The following MID1 variants were observed in gnomAD, a reference collection of about 807,000 sequenced individuals.
MID1 encodes the protein midline 1, also known as E3 ubiquitin-protein ligase Midline-1.
Under a neutral mutation model 40.4 loss-of-function variants are expected in MID1, and 7 were observed. The ratio of observed to expected loss-of-function variants is 0.17; its 90% CI spans 0.10 to 0.33. MID1 has a LOEUF of 0.33. MID1 is among the 10% of genes least tolerant of loss of function. The probability of loss-of-function intolerance (pLI) is 1.00; values close to 1 mark genes in which losing one functional copy is unlikely to be tolerated. For synonymous variants in MID1, 229 were observed against 221.2 expected (o/e 1.04, Z -0.31); for missense variants, 367 against 558.5 (o/e 0.66, Z 3.46).
chrX:10,830,434 G>C (rs2044245716), intron 1 of MID1, among the ~76,000 whole-genome samples: 1 of 112,109 alleles, frequency 8.9e-6, no homozygotes, highest in Non-Finnish European at 1.9e-5. Flanking sequence ...ACTTCAAAAG[G>C]CACTCAATAA....
chrX:10,817,570 T>TTCTC (rs1301478363), intron 1 of MID1, among the ~76,000 whole-genome samples: 32 of 88,305 alleles, frequency 3.6e-4, no homozygotes, highest in African/African-American at 1.4e-3. Context: ...CTTTCTTTCT[T>TTCTC]TCTCTCTTTC....
intron 2 of MID1, among the ~76,000 whole-genome samples, chrX:10,528,659 G>A (rs1229933639): frequency 9.0e-6 from 1 of 111,627 alleles, no homozygotes; most frequent in Non-Finnish European, 1.9e-5. Flanking sequence ...TGTTTGCCAC[G>A]CCCCCAGCCT....
At chrX:10,616,109 G>A (rs1414611912) in intron 1 of MID1, among the ~76,000 whole-genome samples, 2 of 111,762 alleles carry the variant, frequency 1.8e-5, no homozygotes, top group Non-Finnish European at 1.9e-5. Flanking sequence ...CCGACCACGG[G>A]AACTTCAAGC....
intron 1 of MID1, among the ~76,000 whole-genome samples, chrX:10,744,499 CT>C (rs1212571325): frequency 9.0e-6 from 1 of 111,162 alleles, no homozygotes; most frequent in Non-Finnish European, 1.9e-5. Flanking sequence ...ACCAAGTGAG[CT>C]AACTAGCCCC....
At chrX:10,539,299 C>G (rs890739482) in intron 2 of MID1, among the ~76,000 whole-genome samples, 1 of 111,744 alleles carries the variant, frequency 8.9e-6, no homozygotes, top group East Asian at 2.8e-4. Flanking sequence ...TTAGATCGTG[C>G]GGCTGGCTCT....
chrX:10,583,009 C>T (rs1054733842), intron 1 of MID1: 110 of 110,862 alleles, frequency 9.9e-4, no homozygotes, highest in African/African-American at 3.4e-3. Flanking sequence ...ATATGTATAT[C>T]CATTTGGCTT....
chrX:10,680,182 C>T (rs1389479782), intron 1 of MID1, among the ~76,000 whole-genome samples: 1 of 112,146 alleles, frequency 8.9e-6, no homozygotes, highest in Non-Finnish European at 1.9e-5. Context: ...TAAAACCCTA[C>T]TCAGGGCAAG....
chrX:10,469,364 C>T lies in MID1; in HGVS notation c.1285+333G>A, dbSNP rs751101149. The T allele has an allele frequency of 4.2e-5, 41 of 974,269 alleles. 1 individual carries two copies. The South Asian group carries it at 1.5e-3, about 36-fold the overall frequency. 80.3% of individuals were successfully genotyped at this position (974,269 alleles called of 1,213,427 possible). A position where few individuals can be genotyped will look rare whatever the true frequency, so the allele number is the denominator to read the frequency against. ...TTTATTTTGATCTTTAAGTTATGAA[C>T]CTATATGTGGATTAATACTATATAT... On this transcript the variant is annotated intron_variant, in intron 7 of 9. Transcript: ENST00000317552.
At chrX:10,549,239 A>C (rs775565646) in intron 2 of MID1, among the ~76,000 whole-genome samples, 6 of 113,003 alleles carry the variant, frequency 5.3e-5, no homozygotes, top group Admixed American at 3.7e-4. Flanking sequence ...TATTTGCCTT[A>C]ACTTACATAA....
chrX:10,632,100 T>A (rs1027624913), intron 1 of MID1, among the ~76,000 whole-genome samples: 2 of 112,083 alleles, frequency 1.8e-5, no homozygotes, highest in African/African-American at 6.5e-5. Flanking sequence ...CTAATGAGTT[T>A]CCAAAGCTAG....
In MID1 at chrX:10,818,669, C is replaced by T. The variant is rs773523646; in HGVS notation, c.-187+14885G>A. Among the ~76,000 whole-genome samples, 34 of 112,179 alleles carry T rather than the reference C, an allele frequency of 3.0e-4. 1 individual carries two copies. The highest frequency in any genetic ancestry group is 8.7e-4 in the African/African-American group (27 of 30,902). On this transcript the variant is annotated intron_variant, in intron 1 of 10. Coordinates refer to the MID1 transcript ENST00000380785. ...TTGCCAGATTTGTCCTTCAGAGTGA[C>T]AGTTCCATGGTTCACAGGTTTATCA... is the stretch of plus-strand genomic sequence containing the variant.
At chrX:10,781,443 G>T (rs1278121494) in intron 1 of MID1, among the ~76,000 whole-genome samples, 1 of 111,824 alleles carries the variant, frequency 8.9e-6, no homozygotes, top group Non-Finnish European at 1.9e-5. Flanking sequence ...TGATAAATGT[G>T]TTATGGATAT....
Position 10,516,585 on chromosome X carries a change from TGTGTGTGTGTGTGTGTGTGTGTGTGCGC to T in MID1, c.756+6479_756+6506del, listed in dbSNP as rs1314279554. Among the ~76,000 whole-genome samples, 805 of 85,507 alleles carry T rather than the reference TGTGTGTGTGTGTGTGTGTGTGTGTGCGC, an allele frequency of 9.4e-3. 11 individuals carry two copies. The highest frequency in any genetic ancestry group is 0.045 in the African/African-American group (720 of 15,911). The allele number at this position is 85,507 out of a possible 115,157, so 74.3% of individuals were successfully genotyped here. On this transcript the variant is annotated intron_variant, in intron 3 of 9. Transcript: ENST00000317552. ...TTGTGTGTGTGTGTGTGTGTGTGTG[TGTGTGTGTGTGTGTGTGTGTGTGTGCGC>T]GCGCGCACGCGTGTGTTTTAAGAGA...
chrX:10,656,768 A>T (rs753135342), intron 1 of MID1, among the ~76,000 whole-genome samples: 119 of 110,451 alleles, frequency 1.1e-3, no homozygotes, highest in Middle Eastern at 4.6e-3. Flanking sequence ...TTTTTTTTAA[A>T]AAAAAAAACA....
At chrX:10,776,810 A>G (rs1301915939) in intron 1 of MID1, among the ~76,000 whole-genome samples, 1 of 112,341 alleles carries the variant, frequency 8.9e-6, no homozygotes, top group Non-Finnish European at 1.9e-5. Context: ...AAAAAAAAGA[A>G]AACAGGAAAA....
chrX:10,802,333 A>C (rs1200004657), intron 1 of MID1, among the ~76,000 whole-genome samples: 1 of 112,194 alleles, frequency 8.9e-6, no homozygotes, highest in Non-Finnish European at 1.9e-5. Flanking sequence ...ACAACTGAAC[A>C]TGTAAAAAAA....
At chrX:10,679,874 A>G (rs1223894984) in intron 1 of MID1, among the ~76,000 whole-genome samples, 1 of 112,182 alleles carries the variant, frequency 8.9e-6, no homozygotes, top group Non-Finnish European at 1.9e-5. Context: ...TAAATGAAAC[A>G]ATGAAAACAA....
intron 1 of MID1, among the ~76,000 whole-genome samples, chrX:10,766,420 CA>C (rs1056228588): frequency 2.7e-5 from 3 of 111,512 alleles, no homozygotes; most frequent in Non-Finnish European, 5.7e-5. Context: ...GCAACATATC[CA>C]AGGATCCGGC....
intron 2 of MID1, among the ~76,000 whole-genome samples, chrX:10,560,469 AC>A (rs986747670): frequency 1.8e-5 from 2 of 110,501 alleles, no homozygotes; most frequent in African/African-American, 6.6e-5. Context: ...TATTTAGAAA[AC>A]CCCATCATCT....
Sources: allele counts gnomAD v4.1 joint callset (sites outside exome capture counted in the v4.1 genomes callset), GRCh38; gene constraint gnomAD v4.1.1; transcripts MANE v1.5; gene names NCBI Gene and HGNC (gene_info 2026-07-23, HGNC 2026-07-21).